Variants in DIAPH3 observed in about 807,000 individuals in gnomAD.
DIAPH3 encodes the protein diaphanous related formin 3.
In DIAPH3, 117 loss-of-function variants were observed where a neutral mutation model predicts 144.3. The observed-to-expected ratio is 0.81, with a 90% confidence interval of 0.70 to 0.95. The LOEUF is 0.95. Ranked by LOEUF, DIAPH3 falls within the 40% of genes least tolerant of loss-of-function variation. DIAPH3 has a pLI of 0.00. For synonymous variants in DIAPH3, 519 were observed against 488.9 expected, an observed-to-expected ratio of 1.06 and a Z score of -0.81; for missense variants, 1,421 against 1,412.7, an observed-to-expected ratio of 1.01 and a Z score of -0.09.
At chr13:59,712,374 G>C (rs1268942083) in intron 27 of DIAPH3, among the ~76,000 whole-genome samples, 1 of 151,850 alleles carries the variant, frequency 6.6e-6, no homozygotes. Context: ...TCATCTGTCT[G>C]TTCAAGTCAG....
chr13:59,760,259 A>G (rs1270110458), intron 27 of DIAPH3, among the ~76,000 whole-genome samples: 1 of 152,192 alleles, frequency 6.6e-6, no homozygotes, highest in Admixed American at 6.5e-5. Flanking sequence ...CCTTTCGTAC[A>G]TGGGGAAAAC....
At chr13:60,056,751 C>T (rs1298367464) in intron 4 of DIAPH3, among the ~76,000 whole-genome samples, 1 of 151,696 alleles carries the variant, frequency 6.6e-6, no homozygotes, top group South Asian at 2.1e-4. Flanking sequence ...AAGGAACTAG[C>T]TTGAAGAGAC....
chr13:59,798,903 C>T (rs1242103485), intron 25 of DIAPH3, among the ~76,000 whole-genome samples: 1 of 152,020 alleles, frequency 6.6e-6, no homozygotes, highest in East Asian at 1.9e-4. Context: ...GTCCAACATG[C>T]AGAATTGTTG....
intron 25 of DIAPH3, among the ~76,000 whole-genome samples, chr13:59,806,773 G>T (rs1035815649): frequency 6.6e-6 from 1 of 151,514 alleles, no homozygotes; most frequent in South Asian, 2.1e-4. Context: ...GCTATATTTC[G>T]TTTTTTACCA....
intron 18 of DIAPH3, among the ~76,000 whole-genome samples, chr13:59,917,234 G>T (rs1056535819): frequency 6.6e-6 from 1 of 152,054 alleles, no homozygotes; most frequent in Non-Finnish European, 1.5e-5. Context: ...ACAGTAGGTT[G>T]AATCTAAAGA....
At chr13:60,052,959 T>TAAAAAAA (rs559991017) in intron 4 of DIAPH3, among the ~76,000 whole-genome samples, 431 of 40,606 alleles carry the variant, frequency 0.011, 37 homozygotes, top group Non-Finnish European at 0.014. Context: ...GACTCCCTCT[T>TAAAAAAA]AAAAAAAAAA....
In DIAPH3 at chr13:59,722,967, C is replaced by T. The variant is rs945283064; in HGVS notation, c.3319+51222G>A. 2.0e-5 allele frequency among the ~76,000 whole-genome samples: 3 copies of T among 152,176 alleles called. No homozygotes were observed. In the East Asian group the frequency reaches 5.8e-4, roughly 29 times the overall value. On this transcript the variant is annotated intron_variant, in intron 27 of 27. Coordinates refer to ENST00000400324, the MANE Select transcript of DIAPH3 (RefSeq NM_001042517.2). ...TGGATTCTAGTCTCTGAGCCAGAAC[C>T]CTGACCTATACAGCATGCCAGCACA...
At chr13:60,157,047 C>T (rs781594799) in intron 1 of DIAPH3, among the ~76,000 whole-genome samples, 83 of 149,692 alleles carry the variant, frequency 5.5e-4, no homozygotes, top group Non-Finnish European at 1.0e-3. Context: ...CAGATTCAAG[C>T]GATTCTCCTG....
At chr13:59,859,863 C>T (rs1211747901) in intron 22 of DIAPH3, among the ~76,000 whole-genome samples, 1 of 152,034 alleles carries the variant, frequency 6.6e-6, no homozygotes, top group Non-Finnish European at 1.5e-5. Context: ...CAATTATTTT[C>T]CCTTCTTGAA....
At chr13:59,900,177 C>T (rs2046353012) in intron 20 of DIAPH3, among the ~76,000 whole-genome samples, 1 of 152,050 alleles carries the variant, frequency 6.6e-6, no homozygotes, top group African/African-American at 2.4e-5. Flanking sequence ...AGCTCAATCC[C>T]TTGATTAAAT....
intron 5 of DIAPH3, among the ~76,000 whole-genome samples, chr13:60,035,145 C>T (rs981098276): frequency 2.6e-5 from 4 of 152,130 alleles, no homozygotes; most frequent in African/African-American, 9.7e-5. Context: ...ATTCCAGGCC[C>T]TCTCAGGTCA....
At chr13:60,136,044 TAAAATAGGGACTATCCATG>T (rs1047640462) in intron 1 of DIAPH3, among the ~76,000 whole-genome samples, 57 of 152,178 alleles carry the variant, frequency 3.7e-4, no homozygotes, top group African/African-American at 1.3e-3. Context: ...CTTATACACA[TAAAATAGGGACTATCCATG>T]AAGTAGAAAT....
chr13:59,711,340 T>C lies in DIAPH3; in HGVS notation c.3320-44494A>G, dbSNP rs764708921. 1.1e-4 allele frequency among the ~76,000 whole-genome samples: 17 copies of C among 152,196 alleles called. No individual in the cohort carries two copies. In the South Asian group the frequency reaches 1.4e-3, roughly 13 times the overall value. The stretch of plus-strand genomic sequence containing the variant: ...CATCCTGCAGCTAACAGCAGGTTTT[T>C]TTTTCCCTATAATCTACTACCACCA... On this transcript the variant is annotated intron_variant, in intron 27 of 27. Transcript: ENST00000400324.
rs529486906 is a variant in DIAPH3 at position 60,041,886 on chromosome 13, G to C, written c.626+804C>G. ...TGTTTAGCCACCTACCTAATTCAGAGTTAGCAAATGGCCTCTGAATAGACT... is the reference window on the plus strand; with the variant it reads ...TGTTTAGCCACCTACCTAATTCAGACTTAGCAAATGGCCTCTGAATAGACT... On this transcript the variant is annotated intron_variant, in intron 5 of 27. Transcript: ENST00000400324. Among the ~76,000 whole-genome samples the C allele has an allele frequency of 2.6e-5, 4 of 152,128 alleles. No individual in the cohort carries two copies. The South Asian group carries it at 8.3e-4, about 32-fold the overall frequency.
intron 2 of DIAPH3, among the ~76,000 whole-genome samples, chr13:60,127,326 T>G (rs1383247705): frequency 6.6e-6 from 1 of 151,880 alleles, no homozygotes; most frequent in Non-Finnish European, 1.5e-5. Context: ...AAGGCTCACT[T>G]AGGAAAAAAT....
chr13:59,961,370 T>C (rs2140498654), intron 17 of DIAPH3, among the ~76,000 whole-genome samples: 1 of 152,344 alleles, frequency 6.6e-6, no homozygotes, highest in African/African-American at 2.4e-5. Flanking sequence ...AACTACGCTG[T>C]AAAAGCCAGG....
At chr13:59,995,788 C>A (rs964386786) in intron 9 of DIAPH3, among the ~76,000 whole-genome samples, 1 of 151,692 alleles carries the variant, frequency 6.6e-6, no homozygotes, top group Admixed American at 6.6e-5. Context: ...TTAAAAGCTG[C>A]GAAGGAAATT....
chr13:59,680,726 T>G (rs550035521), intron 27 of DIAPH3, among the ~76,000 whole-genome samples: 81 of 152,230 alleles, frequency 5.3e-4, no homozygotes, highest in Non-Finnish European at 1.1e-3. Flanking sequence ...AGTACACTCA[T>G]TTACAACTAT....
At position 59,916,209 on chromosome 13, in the gene DIAPH3, G is replaced by A; in HGVS notation, c.2211C>T (p.Ile737=). ...CATCTACTTCCAATATCATCATTCTGATTTCCTCATATGGCACCCGAAAAG... is the reference window on the plus strand; with the variant it reads ...CATCTACTTCCAATATCATCATTCTAATTTCCTCATATGGCACCCGAAAAG... ...LSSFRVPYEE[I]RMMILEVDET... is the part of the protein sequence containing the mutation. Residue 737 remains isoleucine, a synonymous_variant, in exon 19 of 28, where the codon ATC becomes ATT. Coordinates refer to ENST00000400324, the MANE Select transcript of DIAPH3 (RefSeq NM_001042517.2). The A allele has an allele frequency of 6.2e-7, 1 of 1,613,214 alleles. No homozygotes were observed. Among genetic ancestry groups the A allele is most frequent in the Non-Finnish European group, 8.5e-7 (1 of 1,179,490 alleles).
Sources: gnomAD v4.1 joint callset for allele counts (sites outside exome capture counted in the v4.1 genomes callset) on GRCh38, gnomAD v4.1.1 for gene constraint, MANE v1.5 for transcripts, NCBI Gene and HGNC (gene_info 2026-07-23, HGNC 2026-07-21) for gene names.